The following DCAF5 variants were observed in gnomAD, a reference collection of about 807,000 sequenced individuals.
DCAF5 encodes the protein DDB1- and CUL4-associated factor 5.
In DCAF5, 9 loss-of-function variants were observed where a neutral mutation model predicts 80.7. That is an observed-to-expected ratio of 0.11 (90% CI 0.07 to 0.19). DCAF5 has a LOEUF of 0.19. Among genes scored for constraint, DCAF5 ranks in the 10% least tolerant of loss-of-function variants. DCAF5 has a pLI of 1.00. For missense variants in DCAF5, 842 were observed against 1,205.7 expected (o/e 0.70, Z 4.47); for synonymous variants, 433 against 461.9 (o/e 0.94, Z 0.80).
At chr14:69,133,916 A>G (rs1187969749) in intron 1 of DCAF5, among the ~76,000 whole-genome samples, 1 of 152,240 alleles carries the variant, frequency 6.6e-6, no homozygotes, top group Non-Finnish European at 1.5e-5. Context: ...CTCCAAAATC[A>G]GATGACTAAT....
chr14:69,119,076 A>G, intron 3 of DCAF5, 118 bp downstream of exon 3: 1 of 921,784 alleles, frequency 1.1e-6, no homozygotes, highest in Admixed American at 2.9e-5. Context: ...AGAAAAGAAC[A>G]GCTGGTTTCA....
intron 1 of DCAF5, among the ~76,000 whole-genome samples, chr14:69,139,195 A>C (rs2041283332): frequency 6.6e-6 from 1 of 151,956 alleles, no homozygotes; most frequent in Non-Finnish European, 1.5e-5. Flanking sequence ...GAAAAAAAGA[A>C]AGACAGTCTG....
intron 5 of DCAF5, among the ~76,000 whole-genome samples, chr14:69,104,577 C>T (rs796438990): frequency 3.3e-5 from 5 of 151,852 alleles, no homozygotes; most frequent in African/African-American, 7.2e-5. Context: ...GAGAGATGGC[C>T]GGGTGGGGTG....
rs2037842811 is a variant in DCAF5 at position 69,053,880 on chromosome 14, A to G, written c.2806T>C (p.Ser936Pro). The change falls in exon 9 of 9, where the codon TCA becomes CCA. Residue 936 changes from serine to proline, a missense_variant. Transcript: ENST00000341516. ...LEDTDSENSS[S>P]EKKLKT is the part of the protein sequence containing the mutation. ...TATCATGTTTTTAATTTCTTCTCTG[A>G]GGAGGAATTCTCTGAATCTGTATCT... is the stretch of plus-strand genomic sequence containing the variant. The G allele has an allele frequency of 6.2e-7, 1 of 1,605,334 alleles. No individual in the cohort carries two copies. The highest frequency in any genetic ancestry group is 1.4e-5 in the African/African-American group (1 of 73,866).
At position 69,153,050 on chromosome 14, in the gene DCAF5, C is replaced by CA. The variant is rs1333799154; in HGVS notation, c.-73dup. 1 of 1,211,580 alleles carries CA rather than the reference C, an allele frequency of 8.3e-7. No homozygotes were observed. Among genetic ancestry groups the CA allele is most frequent in the African/African-American group, 1.6e-5 (1 of 61,668 alleles). The allele number at this position is 1,211,580 out of a possible 1,614,324, so 75.1% of individuals were successfully genotyped here. A position where few individuals can be genotyped will look rare whatever the true frequency, so the allele number is the denominator to read the frequency against. On this transcript the variant is annotated 5_prime_UTR_variant, in exon 1 of 9. Coordinates refer to ENST00000341516, the MANE Select transcript of DCAF5 (RefSeq NM_003861.3). ...CCTCACGCGCGGCCGCTGCTCCCCC[C>CA]ACCCGGCCCTCCCCCCGCGCTGCGA...
rs756413465 is a variant in DCAF5, at chr14:69,054,300, G to C, written c.2386C>G (p.Pro796Ala). The C allele has an allele frequency of 1.9e-6, 3 of 1,614,236 alleles. No homozygotes were observed. Among genetic ancestry groups the C allele is most frequent in the South Asian group, 2.2e-5 (2 of 91,090 alleles). Residue 796 changes from proline to alanine, a missense_variant, in exon 9 of 9, where the codon CCT (proline) becomes GCT (alanine). Physicochemically the swap from Pro to Ala is conservative, Grantham distance 27. Coordinates refer to ENST00000341516, the MANE Select transcript of DCAF5 (RefSeq NM_003861.3). ...SSRAEEPPSP[P>A]VPKASGSTLN... Reference sequence around the variant, plus strand: ...GTGGAGCCAGATGCCTTGGGGACAGGAGGAGAAGGCGGCTCCTCAGCCCGA... The same window carrying C: ...GTGGAGCCAGATGCCTTGGGGACAGCAGGAGAAGGCGGCTCCTCAGCCCGA...
intron 7 of DCAF5, among the ~76,000 whole-genome samples, chr14:69,065,096 CTTTTTTTTT>C (rs34005299): frequency 2.5e-5 from 3 of 120,330 alleles, no homozygotes; most frequent in African/African-American, 9.7e-5. Context: ...AATATGACCT[CTTTTTTTTT>C]TTTTTTTTTT....
chr14:69,119,339 G>A, intron 2 of DCAF5, 109 bp from the exon 3 acceptor site: 1 of 1,037,580 alleles, frequency 9.6e-7, no homozygotes, highest in Non-Finnish European at 1.4e-6. Flanking sequence ...CAAAGCCAAT[G>A]CTAATACAAA....
At chr14:69,133,296 T>C (rs1303939733) in intron 1 of DCAF5, among the ~76,000 whole-genome samples, 1 of 152,050 alleles carries the variant, frequency 6.6e-6, no homozygotes, top group East Asian at 1.9e-4. Context: ...GCCTCGCAAA[T>C]ATAAGAGGCC....
intron 7 of DCAF5, among the ~76,000 whole-genome samples, chr14:69,066,000 C>A (rs2038422242): frequency 6.6e-6 from 1 of 152,076 alleles, no homozygotes; most frequent in African/African-American, 2.4e-5. Context: ...TAATGGGTAC[C>A]CATAAATAAA....
intron 7 of DCAF5, among the ~76,000 whole-genome samples, chr14:69,066,486 T>C (rs1371510200): frequency 2.0e-5 from 3 of 152,096 alleles, no homozygotes; most frequent in South Asian, 2.1e-4. Flanking sequence ...AAAGTCCCCA[T>C]ATATTAATCT....
intron 6 of DCAF5, among the ~76,000 whole-genome samples, chr14:69,086,855 T>C (rs942434933): frequency 2.6e-5 from 4 of 152,174 alleles, no homozygotes; most frequent in Admixed American, 2.0e-4. Context: ...ATGATCACGA[T>C]TTTTGGGGCC....
At chr14:69,141,674 T>C (rs1042305090) in intron 1 of DCAF5, among the ~76,000 whole-genome samples, 2 of 152,066 alleles carry the variant, frequency 1.3e-5, no homozygotes, top group Admixed American at 6.5e-5. Flanking sequence ...ATCCCAACAA[T>C]CAACAAGGCA....
intron 6 of DCAF5, among the ~76,000 whole-genome samples, chr14:69,087,718 A>G (rs936180955): frequency 2.0e-5 from 3 of 152,340 alleles, no homozygotes; most frequent in Non-Finnish European, 4.4e-5. Context: ...TGTATCTATC[A>G]CAGCATCAGG....
intron 1 of DCAF5, among the ~76,000 whole-genome samples, chr14:69,135,613 G>A (rs1385205354): frequency 6.6e-6 from 1 of 152,122 alleles, no homozygotes; most frequent in Non-Finnish European, 1.5e-5. Flanking sequence ...TCTCAAAAAT[G>A]AATAAGATGA....
At chr14:69,088,908 C>A (rs1484944917) in intron 6 of DCAF5, among the ~76,000 whole-genome samples, 1 of 152,180 alleles carries the variant, frequency 6.6e-6, no homozygotes, top group Non-Finnish European at 1.5e-5. Flanking sequence ...ACAACTGCTG[C>A]CTTGAGTGTG....
At chr14:69,077,705 A>G (rs1217247420) in intron 6 of DCAF5, among the ~76,000 whole-genome samples, 1 of 152,194 alleles carries the variant, frequency 6.6e-6, no homozygotes, top group African/African-American at 2.4e-5. Context: ...AGAAAATGTC[A>G]TACTTGAAAA....
intron 5 of DCAF5, among the ~76,000 whole-genome samples, chr14:69,115,171 A>C (rs1021476960): frequency 6.6e-6 from 1 of 152,212 alleles, no homozygotes; most frequent in African/African-American, 2.4e-5. Context: ...TAAAGTTCAT[A>C]GTGCAAAGGC....
chr14:69,068,269 T>C (rs558019414), intron 7 of DCAF5, among the ~76,000 whole-genome samples: 34 of 152,292 alleles, frequency 2.2e-4, no homozygotes, highest in African/African-American at 7.5e-4. Context: ...ACTCAATAAG[T>C]GAACAAATTG....
Sources: gnomAD v4.1 joint callset for allele counts (sites outside exome capture counted in the v4.1 genomes callset) on GRCh38, gnomAD v4.1.1 for gene constraint, MANE v1.5 for transcripts, NCBI Gene and HGNC (gene_info 2026-07-23, HGNC 2026-07-21) for gene names.